PHACTR2: variants seen among roughly 807,000 people sequenced by gnomAD.
PHACTR2 encodes the protein chromosome 6 open reading frame 56.
Under a neutral mutation model 76.0 loss-of-function variants are expected in PHACTR2, and 30 were observed. That is an observed-to-expected ratio of 0.39 (90% CI 0.30 to 0.54). The LOEUF is 0.54. Ranked by LOEUF, PHACTR2 falls within the 20% of genes least tolerant of loss-of-function variation. The pLI, the probability that PHACTR2 is intolerant of heterozygous loss-of-function variation, is 0.61. For missense variants in PHACTR2, 696 were observed against 781.1 expected (o/e 0.89, Z 1.30); for synonymous variants, 292 against 292.5 (o/e 1.00, Z 0.02).
In PHACTR2 at chr6:143,708,777, T is replaced by C. The variant is rs1778106878; in HGVS notation, c.47-3239T>C. 6.6e-6 allele frequency among the ~76,000 whole-genome samples: 1 copy of C among 152,216 alleles called. No homozygotes were observed. The highest frequency in any genetic ancestry group is 2.4e-5 in the African/African-American group (1 of 41,448). The stretch of plus-strand genomic sequence containing the variant: ...ACTGTGCCAACATATGGTTTCTAAT[T>C]GCAAATATGGTCTATGATAGGGGAA... On this transcript the variant is annotated intron_variant, in intron 1 of 12. Coordinates refer to ENST00000440869, the MANE Select transcript of PHACTR2 (RefSeq NM_001100164.2). This position sits in a 1 kb window ranked among gnomAD's most constrained non-coding sequence, Gnocchi z 5.5.
rs953634505 is a variant in PHACTR2, at chr6:143,753,755, T to C, written c.297T>C (p.Asp99=). 15 of 1,582,622 alleles carry C rather than the reference T, an allele frequency of 9.5e-6. No individual in the cohort carries two copies. In the African/African-American group the frequency reaches 1.1e-4, roughly 12 times the overall value. ...RGVLKELPDQ[D]GDVTVNFENS... Reference sequence around the variant, plus strand: ...CTAGGTGTTTCTTTCCCATTTTAGATGGAGATGTAACAGTTAACTTTGAAA... The same window carrying C: ...CTAGGTGTTTCTTTCCCATTTTAGACGGAGATGTAACAGTTAACTTTGAAA... The change falls in exon 4 of 13, where the codon GAT becomes GAC. Residue 99 remains aspartate, a splice_region_variant and synonymous_variant. Transcript: ENST00000440869. This position sits in a 1 kb window ranked among gnomAD's most constrained non-coding sequence, Gnocchi z 4.6.
At position 143,589,987 on chromosome 6, in the gene PHACTR2, T is replaced by A. The variant is rs967583100; in HGVS notation, c.217+52780T>A. On this transcript the variant is annotated intron_variant, in intron 1 of 11. Coordinates refer to the PHACTR2 transcript ENST00000367584. This position sits in a 1 kb window ranked among gnomAD's most constrained non-coding sequence, Gnocchi z 4.4. ...AGCAATGTGTCTAAAAATATAATGA[T>A]CATGCCCAGGTTGAATTTATTACAG... Among the ~76,000 whole-genome samples the A allele has an allele frequency of 6.6e-6, 1 of 152,144 alleles. No individual in the cohort carries two copies. Among genetic ancestry groups the A allele is most frequent in the South Asian group, 2.1e-4 (1 of 4,826 alleles).
rs1170709707 is a variant in PHACTR2, at chr6:143,823,658, C to G, written c.1923-16C>G. On this transcript the variant is annotated splice_polypyrimidine_tract_variant and intron_variant, in intron 12 of 12. Coordinates refer to ENST00000440869, the MANE Select transcript of PHACTR2 (RefSeq NM_001100164.2). This position sits in a 1 kb window ranked among gnomAD's most constrained non-coding sequence, Gnocchi z 5.7. Reference sequence around the variant, plus strand: ...CTCCTAGGCCACAGGCTTATAGTTTCTATTTCTTACTCCAGGTTTCATCGT... The same window carrying G: ...CTCCTAGGCCACAGGCTTATAGTTTGTATTTCTTACTCCAGGTTTCATCGT... The G allele has an allele frequency of 2.5e-6, 4 of 1,609,226 alleles. No individual in the cohort carries two copies. The Admixed American group carries it at 6.7e-5, about 27-fold the overall frequency.
rs1035912238 is a variant in PHACTR2, at chr6:143,780,368, T to C, written c.1646-2851T>C. On this transcript the variant is annotated intron_variant, in intron 9 of 12. Coordinates refer to ENST00000440869, the MANE Select transcript of PHACTR2 (RefSeq NM_001100164.2). The surrounding 1 kb of genome is among the most constrained non-coding windows in gnomAD (Gnocchi z 4.4). ...GGCTTATGCCTGTAATCCCAAAGCC[T>C]TGTGAGGCCAAGGCAGGAGAATTGC... 5.3e-5 allele frequency among the ~76,000 whole-genome samples: 8 copies of C among 152,220 alleles called. No individual in the cohort carries two copies. The highest frequency in any genetic ancestry group is 7.4e-5 in the Non-Finnish European group (5 of 68,014).
chr6:143,670,279 TC>T (rs1407285258), intron 1 of PHACTR2, among the ~76,000 whole-genome samples: 2 of 152,216 alleles, frequency 1.3e-5, no homozygotes, highest in Non-Finnish European at 2.9e-5. Flanking sequence ...CTTAACATTT[TC>T]CCTTCATTTC....
rs1186080852 is a variant in PHACTR2 at position 143,623,915 on chromosome 6, A to G, written c.13+15593A>G. The stretch of plus-strand genomic sequence containing the variant: ...ATGTATGATGCACAATATTCTGGGT[A>G]CACTCAGAGCACCCCCATAATAAGT... On this transcript the variant is annotated intron_variant, in intron 1 of 11. Transcript: ENST00000305766. The surrounding 1 kb of genome is among the most constrained non-coding windows in gnomAD (Gnocchi z 5.9). Among the ~76,000 whole-genome samples the G allele has an allele frequency of 6.6e-6, 1 of 152,198 alleles. No homozygotes were observed. The highest frequency in any genetic ancestry group is 2.4e-5 in the African/African-American group (1 of 41,456).
At chr6:143,681,735 G>C (rs1473200505) in intron 1 of PHACTR2, among the ~76,000 whole-genome samples, 1 of 152,210 alleles carries the variant, frequency 6.6e-6, no homozygotes. Flanking sequence ...ATTTAGGTCA[G>C]TAATACATTT....
chr6:143,794,446 A>G lies in PHACTR2; in HGVS notation c.1845+5536A>G, dbSNP rs149689201. Among the ~76,000 whole-genome samples the G allele has an allele frequency of 6.6e-6, 1 of 152,104 alleles. No homozygotes were observed. Among genetic ancestry groups the G allele is most frequent in the Non-Finnish European group, 1.5e-5 (1 of 68,014 alleles). ...GTTTTATTTTTAACTTTTGAGCTCT[A>G]TATCCCATTTTTAAAAACTATTCAA... is the stretch of plus-strand genomic sequence containing the variant. On this transcript the variant is annotated intron_variant, in intron 11 of 12. Transcript: ENST00000440869. This position sits in a 1 kb window ranked among gnomAD's most constrained non-coding sequence, Gnocchi z 4.1.
In PHACTR2 at chr6:143,678,203, G is replaced by A; in HGVS notation, c.40G>A (p.Gly14Ser). 6.5e-7 allele frequency: 1 copy of A among 1,535,560 alleles called. No individual in the cohort carries two copies. Among genetic ancestry groups the A allele is most frequent in the Non-Finnish European group, 8.8e-7 (1 of 1,140,588 alleles). ...TSVSTLSPQP[G>S]SVDGLDKASI... ...GGTGTCCACGCTGTCCCCGCAGCCCGGCAGCGGTGAGTCCGGGGCGCACGC... is the reference window on the plus strand; with the variant it reads ...GGTGTCCACGCTGTCCCCGCAGCCCAGCAGCGGTGAGTCCGGGGCGCACGC... The change falls in exon 1 of 13, where the codon GGC becomes AGC. Residue 14 changes from glycine (G) to serine (S), a missense_variant. Coordinates refer to ENST00000440869, the MANE Select transcript of PHACTR2 (RefSeq NM_001100164.2). The surrounding 1 kb of genome is among the most constrained non-coding windows in gnomAD (Gnocchi z 6.2).
At position 143,679,440 on chromosome 6, in the gene PHACTR2, T is replaced by C. The variant is rs574569304; in HGVS notation, c.46+1231T>C. Reference sequence around the variant, plus strand: ...GAGATATTTGCGGGGAGGGGTTGAGTAGGATTTTAAATTTAGTAAACTATT... The same window carrying C: ...GAGATATTTGCGGGGAGGGGTTGAGCAGGATTTTAAATTTAGTAAACTATT... On this transcript the variant is annotated intron_variant, in intron 1 of 12. Coordinates refer to ENST00000440869, the MANE Select transcript of PHACTR2 (RefSeq NM_001100164.2). This position sits in a 1 kb window ranked among gnomAD's most constrained non-coding sequence, Gnocchi z 4.6. 4.6e-5 allele frequency among the ~76,000 whole-genome samples: 7 copies of C among 152,290 alleles called. No individual in the cohort carries two copies. The highest frequency in any genetic ancestry group is 1.7e-4 in the African/African-American group (7 of 41,552).
In PHACTR2 at chr6:143,775,721, C is replaced by T. The variant is rs943157864; in HGVS notation, c.1589+1506C>T. 6.6e-6 allele frequency among the ~76,000 whole-genome samples: 1 copy of T among 152,140 alleles called. No homozygotes were observed. Among genetic ancestry groups the T allele is most frequent in the African/African-American group, 2.4e-5 (1 of 41,412 alleles). ...TTTTACTATGAAGAAGAATGTAAAT[C>T]ATTGAATAATATTTGCATAAAATAA... On this transcript the variant is annotated intron_variant, in intron 8 of 12. Transcript: ENST00000440869. The surrounding 1 kb of genome is among the most constrained non-coding windows in gnomAD (Gnocchi z 4.4).
chr6:143,699,215 C>A (rs1777842346), intron 1 of PHACTR2, among the ~76,000 whole-genome samples: 2 of 152,142 alleles, frequency 1.3e-5, no homozygotes, highest in Non-Finnish European at 2.9e-5. Context: ...GGAATTCAGT[C>A]CCCATGCAGT....
chr6:143,537,328 G>A lies in PHACTR2; in HGVS notation c.217+121G>A, dbSNP rs1021375265. ...CCCGGCAGGCTGGCGGCGGGGTGGGGGTGGGGGACAGGGGAGGGCGGAGGC... is the reference window on the plus strand; with the variant it reads ...CCCGGCAGGCTGGCGGCGGGGTGGGAGTGGGGGACAGGGGAGGGCGGAGGC... On this transcript the variant is annotated intron_variant, in intron 1 of 11. Coordinates refer to the PHACTR2 transcript ENST00000367584. The surrounding 1 kb of genome is among the most constrained non-coding windows in gnomAD (Gnocchi z 4.4). 2 of 162,898 alleles carry A rather than the reference G, an allele frequency of 1.2e-5. No individual in the cohort carries two copies. Among genetic ancestry groups the A allele is most frequent in the Admixed American group, 1.3e-4 (2 of 15,714 alleles). The allele number at this position is 162,898 out of a possible 1,614,324, so 10.1% of individuals were successfully genotyped here. A position where few individuals can be genotyped will look rare whatever the true frequency, so the allele number is the denominator to read the frequency against.
At position 143,547,542 on chromosome 6, in the gene PHACTR2, A is replaced by G. The variant is rs910658649; in HGVS notation, c.217+10335A>G. On this transcript the variant is annotated intron_variant, in intron 1 of 11. Coordinates refer to the PHACTR2 transcript ENST00000367584. The surrounding 1 kb of genome is among the most constrained non-coding windows in gnomAD (Gnocchi z 4.2). ...ACAGTGACTGTGAGATCTAGAAAGTAAAGGAGCTTTGAAACAGCCACTGTG... is the reference window on the plus strand; with the variant it reads ...ACAGTGACTGTGAGATCTAGAAAGTGAAGGAGCTTTGAAACAGCCACTGTG... Among the ~76,000 whole-genome samples the G allele has an allele frequency of 1.4e-4, 21 of 152,246 alleles. No homozygotes were observed. The highest frequency in any genetic ancestry group is 4.6e-4 in the African/African-American group (19 of 41,462).
chr6:143,568,105 A>T (rs955046015), intron 1 of PHACTR2, among the ~76,000 whole-genome samples: 30 of 152,212 alleles, frequency 2.0e-4, no homozygotes, highest in African/African-American at 6.7e-4. Context: ...TGATTTTTTT[A>T]AAAAAATCCA....
upstream of PHACTR2, chr6:143,677,821 C>A (rs542229000): frequency 1.4e-3 from 505 of 369,312 alleles, 3 homozygotes; most frequent in African/African-American, 0.01. Context: ...GGTGCGGGTG[C>A]GGCGGGGCCG....
intron 1 of PHACTR2, among the ~76,000 whole-genome samples, chr6:143,590,938 C>T (rs1392102843): frequency 1.7e-4 from 26 of 152,126 alleles, no homozygotes; most frequent in Non-Finnish European, 1.5e-4. Context: ...CTGGCCGAGA[C>T]CAAAAATGAA....
chr6:143,537,137 C>T lies in PHACTR2; in HGVS notation c.147C>T (p.Gly49=). The change falls in exon 1 of 12, where the codon GGC becomes GGT. Residue 49 remains glycine, a synonymous_variant. Transcript: ENST00000367584. The surrounding 1 kb of genome is among the most constrained non-coding windows in gnomAD (Gnocchi z 4.4). The stretch of plus-strand genomic sequence containing the variant: ...TTCCCGGGGACCCGAGCCCCCGCGG[C>T]CGCTCACAGAGCGACCTCTCGTCGT... 3.1e-6 allele frequency: 1 copy of T among 326,300 alleles called. No homozygotes were observed. The highest frequency in any genetic ancestry group is 3.4e-5 in the South Asian group (1 of 29,146). The allele number at this position is 326,300 out of a possible 1,614,324, so 20.2% of individuals were successfully genotyped here.
rs1353990131 is a variant in PHACTR2 at position 143,539,562 on chromosome 6, A to T, written c.217+2355A>T. On this transcript the variant is annotated intron_variant, in intron 1 of 11. Transcript: ENST00000367584. The surrounding 1 kb of genome is among the most constrained non-coding windows in gnomAD (Gnocchi z 4.3). ...ATCTCTGAATTATCTCAGAGGCACAATAAGAGGGTTACACGCCTTGTAAAA... is the reference window on the plus strand; with the variant it reads ...ATCTCTGAATTATCTCAGAGGCACATTAAGAGGGTTACACGCCTTGTAAAA... 6.6e-6 allele frequency among the ~76,000 whole-genome samples: 1 copy of T among 152,194 alleles called. No individual in the cohort carries two copies. Among genetic ancestry groups the T allele is most frequent in the Non-Finnish European group, 1.5e-5 (1 of 68,036 alleles).
Sources: allele counts gnomAD v4.1 joint callset (sites outside exome capture counted in the v4.1 genomes callset), GRCh38; gene constraint gnomAD v4.1.1; non-coding constraint Gnocchi (gnomAD v3.1); transcripts MANE v1.5; gene names NCBI Gene and HGNC (gene_info 2026-07-23, HGNC 2026-07-21).